The following ERC1 variants were observed in gnomAD, a reference collection of about 807,000 sequenced individuals.
The protein encoded by ERC1 is ELKS/RAB6-interacting/CAST family member 1.
Under a neutral mutation model 132.0 loss-of-function variants are expected in ERC1, and 56 were observed. That is an observed-to-expected ratio of 0.42 (90% CI 0.34 to 0.53). The LOEUF (loss-of-function observed/expected upper bound fraction) is 0.53, where lower values mean the gene tolerates loss of function less well. Among genes scored for constraint, ERC1 ranks in the 20% least tolerant of loss-of-function variants. The pLI is 0.03. For synonymous variants in ERC1, 478 were observed against 476.1 expected, an observed-to-expected ratio of 1.00 and a Z score of -0.05; for missense variants, 1,202 against 1,349.9, an observed-to-expected ratio of 0.89 and a Z score of 1.72.
chr12:1,251,730 G>T (rs2076480203), intron 13 of ERC1, among the ~76,000 whole-genome samples: 1 of 152,110 alleles, frequency 6.6e-6, no homozygotes, highest in Non-Finnish European at 1.5e-5. Context: ...GGACTCTGTA[G>T]TACTTTTCCC....
At chr12:1,309,544 G>A (rs1178950218) in intron 15 of ERC1, among the ~76,000 whole-genome samples, 1 of 152,148 alleles carries the variant, frequency 6.6e-6, no homozygotes, top group Non-Finnish European at 1.5e-5. Flanking sequence ...CCTGTGGAGA[G>A]ACAGCATGGC....
At chr12:1,487,372 ATTTTTTTTTTTTT>A (rs574707385) in intron 18 of ERC1, among the ~76,000 whole-genome samples, 1 of 57,920 alleles carries the variant, frequency 1.7e-5, no homozygotes, top group Non-Finnish European at 3.1e-5. Flanking sequence ...AAGCATCTAG[ATTTTTTTTTTTTT>A]TTTTTTTTTT....
intron 18 of ERC1, among the ~76,000 whole-genome samples, chr12:1,469,203 G>C (rs1233375837): frequency 6.6e-6 from 1 of 152,248 alleles, no homozygotes; most frequent in Non-Finnish European, 1.5e-5. Flanking sequence ...TCTTCTCCCT[G>C]TCCTGCTGGT....
chr12:1,428,110 T>A (rs1002347020), intron 17 of ERC1, among the ~76,000 whole-genome samples: 5 of 152,172 alleles, frequency 3.3e-5, no homozygotes, highest in African/African-American at 1.2e-4. Context: ...TCTTAATGAT[T>A]ATGGGCATTT....
rs1555282613 is a variant in ERC1 at position 1,168,497 on chromosome 12, T to TTTG, written c.1738-12041_1738-12040insGTT. Among the ~76,000 whole-genome samples the TTTG allele has an allele frequency of 8.8e-3, 1,258 of 142,212 alleles. 4 individuals carry two copies. The highest frequency in any genetic ancestry group is 0.015 in the Non-Finnish European group (957 of 65,392). 93.3% of individuals were successfully genotyped at this position (142,212 alleles called of 152,430 possible). On this transcript the variant is annotated intron_variant, in intron 8 of 18. Coordinates refer to ENST00000360905, the MANE Select transcript of ERC1 (RefSeq NM_178040.4). The stretch of plus-strand genomic sequence containing the variant: ...GACTGGTCTTTTTTTTTTTTTTTTT[T>TTTG]TTTGGAGGAGGAGTCTTGCTTTTGT...
At chr12:1,098,774 A>G (rs1047482784) in intron 3 of ERC1, among the ~76,000 whole-genome samples, 2 of 152,240 alleles carry the variant, frequency 1.3e-5, no homozygotes. Flanking sequence ...GCAGGCCTAG[A>G]AATTCATCAG....
intron 18 of ERC1, among the ~76,000 whole-genome samples, chr12:1,482,476 C>T (rs905101004): frequency 4.6e-5 from 7 of 152,042 alleles, no homozygotes; most frequent in Non-Finnish European, 7.4e-5. Context: ...GATGGAGTTT[C>T]GCTCTTGTCT....
intron 15 of ERC1, among the ~76,000 whole-genome samples, chr12:1,321,118 C>T (rs1358711017): frequency 3.9e-5 from 6 of 152,060 alleles, no homozygotes; most frequent in African/African-American, 4.8e-5. Flanking sequence ...ATGGCGAGTG[C>T]GGGGGAAAAT....
chr12:1,455,728 G>T (rs1164554915), intron 18 of ERC1, among the ~76,000 whole-genome samples: 1 of 152,120 alleles, frequency 6.6e-6, no homozygotes, highest in Admixed American at 6.5e-5. Flanking sequence ...TTGACAAGTC[G>T]CCTTTCCCTT....
intron 3 of ERC1, among the ~76,000 whole-genome samples, chr12:1,102,806 A>G (rs1457133299): frequency 2.0e-5 from 3 of 152,236 alleles, no homozygotes; most frequent in Non-Finnish European, 4.4e-5. Flanking sequence ...GTAAAGGGGA[A>G]GGACACATGC....
chr12:1,024,285 G>T (rs1289182399), intron 1 of ERC1, among the ~76,000 whole-genome samples: 1 of 152,148 alleles, frequency 6.6e-6, no homozygotes, highest in Non-Finnish European at 1.5e-5. Flanking sequence ...GGTGGCTGAG[G>T]TGGGAGAAGT....
intron 15 of ERC1, among the ~76,000 whole-genome samples, chr12:1,368,460 C>G (rs992803473): frequency 4.0e-5 from 6 of 151,452 alleles, no homozygotes; most frequent in African/African-American, 1.5e-4. Flanking sequence ...GCTTTTTTTT[C>G]CACTGTGAAT....
rs530574388 is a variant in ERC1, at chr12:1,340,297, T to A, written c.2781-31536T>A. The stretch of plus-strand genomic sequence containing the variant: ...GAGTTCAGGTCTTGCAGAGGTTAGG[T>A]CCAGTTGTTCCCCTGGGGCTAAAGT... On this transcript the variant is annotated intron_variant, in intron 15 of 18. Coordinates refer to ENST00000360905, the MANE Select transcript of ERC1 (RefSeq NM_178040.4). Among the ~76,000 whole-genome samples, 4 of 152,198 alleles carry A rather than the reference T, an allele frequency of 2.6e-5. No homozygotes were observed. In the South Asian group the frequency reaches 8.3e-4, roughly 32 times the overall value.
At chr12:1,477,748 C>G (rs1042106346) in intron 18 of ERC1, among the ~76,000 whole-genome samples, 2 of 152,170 alleles carry the variant, frequency 1.3e-5, no homozygotes, top group East Asian at 1.9e-4. Context: ...GCCGAAGCCC[C>G]TTGTCATCCT....
At chr12:1,139,742 T>A (rs1949695966) in intron 7 of ERC1, among the ~76,000 whole-genome samples, 2 of 150,132 alleles carry the variant, frequency 1.3e-5, no homozygotes, top group South Asian at 2.1e-4. Context: ...GAGACTGAAA[T>A]CATTGCTTAA....
intron 2 of ERC1, among the ~76,000 whole-genome samples, chr12:1,059,565 A>G (rs570107890): frequency 5.9e-5 from 9 of 152,194 alleles, no homozygotes; most frequent in South Asian, 2.1e-4. Context: ...ATTTTATCCA[A>G]TGTTTTTTTC....
chr12:1,244,687 A>C (rs2154309254), intron 13 of ERC1: 5 of 378,912 alleles, frequency 1.3e-5, no homozygotes, highest in South Asian at 9.7e-5. Flanking sequence ...ATGCCTGGCT[A>C]ATTTTGTGTG....
chr12:1,067,843 A>G (rs916019710), intron 2 of ERC1, among the ~76,000 whole-genome samples: 1 of 151,522 alleles, frequency 6.6e-6, no homozygotes, highest in South Asian at 2.1e-4. Context: ...GCTAATTTAT[A>G]TTGTAAAAAA....
chr12:1,393,909 C>T (rs534030560), intron 16 of ERC1, among the ~76,000 whole-genome samples: 12 of 142,518 alleles, frequency 8.4e-5, no homozygotes, highest in East Asian at 2.3e-4. Flanking sequence ...CCAGCTACTC[C>T]GGAGGCTGAG....
Sources: gnomAD v4.1 joint callset for allele counts (sites outside exome capture counted in the v4.1 genomes callset) on GRCh38, gnomAD v4.1.1 for gene constraint, MANE v1.5 for transcripts, NCBI Gene and HGNC (gene_info 2026-07-23, HGNC 2026-07-21) for gene names.